Variants in AGBL4 observed in about 807,000 individuals in gnomAD.
AGBL4 encodes cytosolic carboxypeptidase 6.
Under a neutral mutation model 66.4 loss-of-function variants are expected in AGBL4, and 58 were observed. The observed-to-expected ratio is 0.87, with a 90% CI of 0.71 to 1.09. The LOEUF (loss-of-function observed/expected upper bound fraction) is 1.09, where lower values mean the gene tolerates loss of function less well. Among genes scored for constraint, AGBL4 ranks in the 50% least tolerant of loss-of-function variants. The probability of loss-of-function intolerance (pLI) is 0.00; values close to 1 mark genes in which losing one functional copy is unlikely to be tolerated. For missense variants in AGBL4, 579 were observed against 631.0 expected, an observed-to-expected ratio of 0.92 and a Z score of 0.88; for synonymous variants, 234 against 222.9, an observed-to-expected ratio of 1.05 and a Z score of -0.44.
At chr1:49,578,837 GGTTC>G (rs1644488087) in intron 3 of AGBL4, among the ~76,000 whole-genome samples, 1 of 152,094 alleles carries the variant, frequency 6.6e-6, no homozygotes, top group African/African-American at 2.4e-5. Context: ...AACTTGTGAT[GGTTC>G]ATACTGAGTG....
intron 4 of AGBL4, among the ~76,000 whole-genome samples, chr1:49,053,371 G>T (rs541868174): frequency 1.3e-5 from 2 of 152,220 alleles, no homozygotes; most frequent in East Asian, 3.9e-4. Flanking sequence ...AGTGTGTCTG[G>T]ATACAGGAAG....
At chr1:48,957,183 T>G (rs1050298024) in intron 5 of AGBL4, among the ~76,000 whole-genome samples, 2 of 152,196 alleles carry the variant, frequency 1.3e-5, no homozygotes, top group African/African-American at 2.4e-5. Context: ...TATATGTACC[T>G]ATAAGCAAAA....
intron 4 of AGBL4, among the ~76,000 whole-genome samples, chr1:49,225,642 C>T (rs752573203): frequency 1.3e-5 from 2 of 152,194 alleles, no homozygotes; most frequent in South Asian, 4.1e-4. Flanking sequence ...ATTGGCACGG[C>T]TCACAGAATT....
rs1263867844 is a variant in AGBL4 at position 49,600,320 on chromosome 1, G to C, written c.282+96993C>G. 2.6e-5 allele frequency among the ~76,000 whole-genome samples: 4 copies of C among 152,268 alleles called. No individual in the cohort carries two copies. The East Asian group carries it at 7.7e-4, about 29-fold the overall frequency. On this transcript the variant is annotated intron_variant, in intron 3 of 13. Coordinates refer to ENST00000371839, the MANE Select transcript of AGBL4 (RefSeq NM_032785.4). Reference sequence around the variant, plus strand: ...CTGTATTGGGTGCATATATATTTAGGATAGTTAGCTCTTCTTGTTGCATTG... The same window carrying C: ...CTGTATTGGGTGCATATATATTTAGCATAGTTAGCTCTTCTTGTTGCATTG...
At chr1:49,029,180 T>C (rs1394782511) in intron 5 of AGBL4, among the ~76,000 whole-genome samples, 1 of 152,162 alleles carries the variant, frequency 6.6e-6, no homozygotes, top group East Asian at 1.9e-4. Flanking sequence ...TCTTGCCACT[T>C]CTATTTAACA....
At chr1:49,859,040 A>G in intron 1 of AGBL4, among the ~76,000 whole-genome samples, 1 of 152,142 alleles carries the variant, frequency 6.6e-6, no homozygotes, top group East Asian at 1.9e-4. Flanking sequence ...AAAATGCACG[A>G]AAGAAACTAA....
intron 1 of AGBL4, among the ~76,000 whole-genome samples, chr1:49,909,431 C>T (rs570422094): frequency 4.6e-5 from 7 of 152,044 alleles, no homozygotes; most frequent in African/African-American, 7.2e-5. Flanking sequence ...AGTAAGGGGA[C>T]GTAAGCCATG....
intron 4 of AGBL4, among the ~76,000 whole-genome samples, chr1:49,067,427 C>T (rs903294497): frequency 6.6e-6 from 1 of 152,182 alleles, no homozygotes; most frequent in African/African-American, 2.4e-5. Context: ...TCTTGTACTT[C>T]TCTCGTTTTT....
In AGBL4 at chr1:48,590,899, C is replaced by T. The variant is rs1415549635; in HGVS notation, c.1038G>A (p.Glu346=). The part of the protein sequence containing the change: ...GFMYGNIFED[E]ERFQRQAIFP... ...AAATGGCCTGCCTCTGGAACCGTTC[C>T]TCATCCTCAAAGATGTTGCCATACA... is the stretch of plus-strand genomic sequence containing the variant. Residue 346 remains glutamate, a synonymous_variant, in exon 10 of 14, where the codon GAG becomes GAA. Transcript: ENST00000371839. 4.4e-6 allele frequency: 7 copies of T among 1,608,908 alleles called. No homozygotes were observed. Among genetic ancestry groups the T allele is most frequent in the African/African-American group, 1.3e-5 (1 of 74,834 alleles).
chr1:48,742,939 G>A (rs1281292434), intron 6 of AGBL4, among the ~76,000 whole-genome samples: 1 of 152,190 alleles, frequency 6.6e-6, no homozygotes, highest in Non-Finnish European at 1.5e-5. Context: ...AGGTATGAAT[G>A]TCACAAGGGA....
intron 3 of AGBL4, among the ~76,000 whole-genome samples, chr1:49,478,612 A>G (rs187657635): frequency 1.3e-5 from 2 of 152,176 alleles, no homozygotes; most frequent in East Asian, 3.9e-4. Context: ...CAGTCAGAAA[A>G]AAAAGAATAT....
chr1:49,056,751 G>C (rs536699122), intron 4 of AGBL4, among the ~76,000 whole-genome samples: 11 of 152,172 alleles, frequency 7.2e-5, no homozygotes, highest in African/African-American at 2.4e-4. Context: ...AATGGGTTAA[G>C]TAAAGCAAGA....
intron 5 of AGBL4, among the ~76,000 whole-genome samples, chr1:49,026,440 C>T (rs1026194709): frequency 6.6e-5 from 10 of 152,022 alleles, no homozygotes; most frequent in Non-Finnish European, 8.8e-5. Flanking sequence ...CAGGAAATAC[C>T]AGGAGTCTAC....
At chr1:48,916,084 C>T (rs1011805717) in intron 5 of AGBL4, among the ~76,000 whole-genome samples, 6 of 152,120 alleles carry the variant, frequency 3.9e-5, no homozygotes, top group African/African-American at 1.4e-4. Flanking sequence ...ACAACAGGAA[C>T]TGTGTTTGTT....
chr1:49,372,660 TTTCTTTC>T (rs1644384838), intron 3 of AGBL4, among the ~76,000 whole-genome samples: 1 of 136,352 alleles, frequency 7.3e-6, no homozygotes, highest in Non-Finnish European at 1.6e-5. Context: ...TCTTTCTTTC[TTTCTTTC>T]TTTCTTTCTT....
At chr1:49,978,021 T>A (rs932060232) in intron 1 of AGBL4, among the ~76,000 whole-genome samples, 13 of 152,222 alleles carry the variant, frequency 8.5e-5, no homozygotes, top group African/African-American at 3.1e-4. Context: ...ACATTCTGAT[T>A]TTCAACGTGC....
At chr1:49,329,393 C>T (rs1324563091) in intron 3 of AGBL4, among the ~76,000 whole-genome samples, 2 of 151,970 alleles carry the variant, frequency 1.3e-5, no homozygotes, top group Non-Finnish European at 2.9e-5. Context: ...GTGCCGGGCG[C>T]GGTGGTTCAT....
intron 3 of AGBL4, among the ~76,000 whole-genome samples, chr1:49,284,949 C>T (rs371803295): frequency 6.7e-6 from 1 of 150,370 alleles, no homozygotes; most frequent in East Asian, 1.9e-4. Flanking sequence ...CCACTGTCAA[C>T]ATTAGACAGA....
intron 3 of AGBL4, among the ~76,000 whole-genome samples, chr1:49,587,424 T>C (rs917913372): frequency 1.1e-4 from 17 of 152,210 alleles, no homozygotes; most frequent in African/African-American, 3.6e-4. Flanking sequence ...GCTTATCTTA[T>C]TGAGATATGG....
Sources: gnomAD v4.1 joint callset for allele counts (sites outside exome capture counted in the v4.1 genomes callset) on GRCh38, gnomAD v4.1.1 for gene constraint, MANE v1.5 for transcripts, NCBI Gene and HGNC (gene_info 2026-07-23, HGNC 2026-07-21) for gene names.